The following DLGAP2 variants were observed in gnomAD, a reference collection of about 807,000 sequenced individuals.
The protein encoded by DLGAP2 is DLG associated protein 2, also known as disks large-associated protein 2.
A neutral mutation model predicts 100.3 loss-of-function variants in DLGAP2; 26 were observed. That is an observed-to-expected ratio of 0.26 (90% CI 0.19 to 0.36). The LOEUF is 0.36. DLGAP2 is among the 10% of genes least tolerant of loss of function. DLGAP2 has a pLI of 1.00. For missense variants in DLGAP2, 1,858 were observed against 1,453.2 expected, an observed-to-expected ratio of 1.28 and a Z score of -4.53; for synonymous variants, 886 against 630.1, an observed-to-expected ratio of 1.41 and a Z score of -6.08.
At chr8:826,482 T>A (rs889780792) in intron 1 of DLGAP2, among the ~76,000 whole-genome samples, 3 of 152,216 alleles carry the variant, frequency 2.0e-5, no homozygotes, top group Non-Finnish European at 4.4e-5. Context: ...AGGTCAGCGA[T>A]GTGAGACTTT....
At chr8:1,584,120 G>A (rs924002591) in intron 6 of DLGAP2, among the ~76,000 whole-genome samples, 4 of 152,058 alleles carry the variant, frequency 2.6e-5, no homozygotes, top group African/African-American at 4.8e-5. Flanking sequence ...TTGCCATTGC[G>A]CCTTCACTGT....
Position 1,463,290 on chromosome 8 carries a change from C to T in DLGAP2, c.107-38076C>T, listed in dbSNP as rs372696772. Among the ~76,000 whole-genome samples the T allele has an allele frequency of 1.6e-4, 24 of 152,338 alleles. No homozygotes were observed. The East Asian group carries it at 3.3e-3, about 21-fold the overall frequency. On this transcript the variant is annotated intron_variant, in intron 3 of 14. Coordinates refer to ENST00000637795, the MANE Select transcript of DLGAP2 (RefSeq NM_001346810.2). ...AAGATCAGGGAAGGTGCTGATGAGACAAGCGGCCCCAGCGTTTGTGCTGGT... is the reference window on the plus strand; with the variant it reads ...AAGATCAGGGAAGGTGCTGATGAGATAAGCGGCCCCAGCGTTTGTGCTGGT...
intron 2 of DLGAP2, among the ~76,000 whole-genome samples, chr8:917,391 A>C (rs892141049): frequency 6.6e-6 from 1 of 152,026 alleles, no homozygotes; most frequent in African/African-American, 2.4e-5. Flanking sequence ...GGTGTGCGCC[A>C]CCACACCCAG....
rs1053638484 is a variant in DLGAP2, at chr8:1,707,294, T to C, written c.*5888T>C. The C allele has an allele frequency of 6.6e-6, 1 of 152,444 alleles. No individual in the cohort carries two copies. Among genetic ancestry groups the C allele is most frequent in the Non-Finnish European group, 1.5e-5 (1 of 68,030 alleles). 9.4% of individuals were successfully genotyped at this position (152,444 alleles called of 1,614,324 possible). On this transcript the variant is annotated 3_prime_UTR_variant, in exon 15 of 15. Coordinates refer to ENST00000637795, the MANE Select transcript of DLGAP2 (RefSeq NM_001346810.2). ...AAATTTAAGTTCAAATTTATCTCTT[T>C]CAAGTAGACCATGGTCTCCCTAGAG...
intron 3 of DLGAP2, among the ~76,000 whole-genome samples, chr8:1,498,789 A>G (rs544707863): frequency 6.6e-6 from 1 of 152,362 alleles, no homozygotes; most frequent in Non-Finnish European, 1.5e-5. Context: ...AGAACCTCCA[A>G]GAAGGGGGTG....
intron 1 of DLGAP2, among the ~76,000 whole-genome samples, chr8:795,232 A>G (rs781654003): frequency 3.3e-4 from 50 of 152,258 alleles, no homozygotes; most frequent in Non-Finnish European, 5.4e-4. Flanking sequence ...AATTTTGTCA[A>G]TCAATCAGTG....
chr8:1,491,326 G>A (rs185402274), intron 3 of DLGAP2, among the ~76,000 whole-genome samples: 10 of 152,332 alleles, frequency 6.6e-5, no homozygotes, highest in Admixed American at 3.9e-4. Flanking sequence ...CTTTCAGGCC[G>A]CTGCTCCTGA....
At chr8:1,067,604 C>CAT (rs530004779) in intron 2 of DLGAP2, among the ~76,000 whole-genome samples, 4 of 140,304 alleles carry the variant, frequency 2.9e-5, no homozygotes, top group East Asian at 2.2e-4. Context: ...GGTTGAGTGA[C>CAT]GTGTGTGTGT....
At chr8:920,793 TA>T (rs758191693) in intron 2 of DLGAP2, among the ~76,000 whole-genome samples, 25 of 151,344 alleles carry the variant, frequency 1.7e-4, no homozygotes, top group African/African-American at 4.6e-4. Context: ...TCAAAAGATA[TA>T]AAAAAAAATA....
chr8:1,004,716 C>G (rs1398851542), intron 2 of DLGAP2, among the ~76,000 whole-genome samples: 1 of 152,194 alleles, frequency 6.6e-6, no homozygotes, highest in Admixed American at 6.5e-5. Context: ...TGTGCGGCAT[C>G]TTTCTCAGCT....
chr8:1,192,555 G>C (rs1299853532), intron 2 of DLGAP2, among the ~76,000 whole-genome samples: 1 of 151,966 alleles, frequency 6.6e-6, no homozygotes, highest in East Asian at 1.9e-4. Flanking sequence ...CCTCTCTCAA[G>C]TCTGTCCCCA....
chr8:937,931 C>T (rs189281638), intron 2 of DLGAP2, among the ~76,000 whole-genome samples: 152 of 152,206 alleles, frequency 1.0e-3, no homozygotes, highest in Non-Finnish European at 9.3e-4. Context: ...GGTGTCCATC[C>T]CGGCCTTTCT....
At chr8:1,547,642 G>A (rs764907497) in intron 4 of DLGAP2, among the ~76,000 whole-genome samples, 5 of 152,192 alleles carry the variant, frequency 3.3e-5, no homozygotes, top group African/African-American at 7.2e-5. Flanking sequence ...CCCAGGGAGA[G>A]AGGAGAGAGC....
At chr8:1,202,425 T>G (rs999181125) in intron 2 of DLGAP2, among the ~76,000 whole-genome samples, 1 of 152,102 alleles carries the variant, frequency 6.6e-6, no homozygotes, top group Non-Finnish European at 1.5e-5. Context: ...CCCTCAGGAC[T>G]GTGAGGATGT....
At chr8:815,772 C>G (rs778899923) in intron 1 of DLGAP2, among the ~76,000 whole-genome samples, 5 of 152,124 alleles carry the variant, frequency 3.3e-5, no homozygotes, top group Non-Finnish European at 4.4e-5. Context: ...TAACAGAGGC[C>G]ATACTGAAAG....
chr8:753,615 G>C (rs1001310417), intron 1 of DLGAP2: 4 of 152,296 alleles, frequency 2.6e-5, no homozygotes, highest in Admixed American at 2.6e-4. Context: ...GGTGGATGGA[G>C]AGGGAGGAAG....
At chr8:1,426,646 C>T (rs1404793620) in intron 3 of DLGAP2, among the ~76,000 whole-genome samples, 2 of 152,174 alleles carry the variant, frequency 1.3e-5, no homozygotes, top group Admixed American at 6.5e-5. Context: ...AAGAGAAACT[C>T]TTATTAACCT....
At chr8:874,277 C>G (rs1797650112) in intron 1 of DLGAP2, among the ~76,000 whole-genome samples, 1 of 151,696 alleles carries the variant, frequency 6.6e-6, no homozygotes, top group Admixed American at 6.6e-5. Context: ...TTTCCAGTAT[C>G]TTAAAGTGGA....
chr8:894,845 G>GGGCGGGGTGGGGAGAGCGGAGTGGTGA (rs1563083867), intron 1 of DLGAP2, among the ~76,000 whole-genome samples: 231 of 1,834 alleles, frequency 0.13, 3 homozygotes, highest in Non-Finnish European at 0.16. Context: ...CAGAGTGGAG[G>GGGCGGGGTGGGGAGAGCGGAGTGGTGA]CTGGCAGGGG....
Sources: allele counts gnomAD v4.1 joint callset (sites outside exome capture counted in the v4.1 genomes callset), GRCh38; gene constraint gnomAD v4.1.1; transcripts MANE v1.5; gene names NCBI Gene and HGNC (gene_info 2026-07-23, HGNC 2026-07-21).